Variants in NEDD4L observed in about 807,000 individuals in gnomAD.
The protein encoded by NEDD4L is NEDD4 like E3 ubiquitin protein ligase.
A neutral mutation model predicts 148.9 loss-of-function variants in NEDD4L; 54 were observed. The ratio of observed to expected loss-of-function variants is 0.36; its 90% confidence interval spans 0.29 to 0.45. The LOEUF (loss-of-function observed/expected upper bound fraction) is 0.45. Ranked by LOEUF, NEDD4L falls within the 20% of genes least tolerant of loss-of-function variation. NEDD4L has a pLI of 1.00. For missense variants in NEDD4L, 856 were observed against 1,233.8 expected, an observed-to-expected ratio of 0.69 and a Z score of 4.59; for synonymous variants, 433 against 440.7, an observed-to-expected ratio of 0.98 and a Z score of 0.22.
At chr18:58,162,303 T>C (rs1015911525) in intron 1 of NEDD4L, among the ~76,000 whole-genome samples, 1 of 152,066 alleles carries the variant, frequency 6.6e-6, no homozygotes, top group Non-Finnish European at 1.5e-5. Flanking sequence ...CTTGACCCCA[T>C]CAGGTCCCAC....
rs541399533 is a variant in NEDD4L at position 58,376,771 on chromosome 18, C to T, written c.2352+3502C>T. ...TCTCCCCTGCCCTTGAGATAAAGAC[C>T]CCAACCTTACTTTGTCCCACAAGGT... On this transcript the variant is annotated intron_variant, in intron 24 of 30. Transcript: ENST00000400345. Among the ~76,000 whole-genome samples the T allele has an allele frequency of 1.1e-4, 17 of 152,310 alleles. No homozygotes were observed. The South Asian group carries it at 3.5e-3, about 32-fold the overall frequency.
intron 18 of NEDD4L, among the ~76,000 whole-genome samples, chr18:58,352,760 T>C (rs1568815242): frequency 1.3e-5 from 2 of 152,234 alleles, no homozygotes; most frequent in Admixed American, 6.5e-5. Context: ...AACAGGTCTT[T>C]ACTGGTAACA....
At chr18:58,279,178 A>G (rs2052618178) in intron 5 of NEDD4L, among the ~76,000 whole-genome samples, 1 of 151,980 alleles carries the variant, frequency 6.6e-6, no homozygotes, top group African/African-American at 2.4e-5. Context: ...TGCCTGGCCG[A>G]TTATACTTTT....
intron 5 of NEDD4L, among the ~76,000 whole-genome samples, chr18:58,304,059 C>T (rs1450366919): frequency 6.6e-6 from 1 of 151,948 alleles, no homozygotes; most frequent in African/African-American, 2.4e-5. Context: ...GGACGTTTGA[C>T]AGTTTTGGAT....
chr18:58,140,601 A>G (rs12963630), intron 1 of NEDD4L, among the ~76,000 whole-genome samples: 49,589 of 151,382 alleles, frequency 0.33, 8,305 homozygotes, highest in Non-Finnish European at 0.37. Flanking sequence ...GAAAATGCCA[A>G]TCAGGTTGCT....
intron 1 of NEDD4L, among the ~76,000 whole-genome samples, chr18:58,105,154 G>A (rs1385191701): frequency 4.6e-5 from 7 of 152,180 alleles, no homozygotes; most frequent in Admixed American, 2.6e-4. Flanking sequence ...GCCAGTAGCT[G>A]GAAGAACCAG....
chr18:58,148,261 G>A lies in NEDD4L; in HGVS notation c.49-17527G>A, dbSNP rs375830893. ...GCTCACTGCAACCTCTGTTTCCCAG[G>A]TTTGAGCAGTTCTCCTGCCTCAGCC... On this transcript the variant is annotated intron_variant, in intron 1 of 30. Coordinates refer to ENST00000400345, the MANE Select transcript of NEDD4L (RefSeq NM_001144967.3). Among the ~76,000 whole-genome samples the A allele has an allele frequency of 2.0e-4, 30 of 151,932 alleles. No homozygotes were observed. The East Asian group carries it at 4.6e-3, about 24-fold the overall frequency.
chr18:58,386,779 G>A (rs954094384), intron 26 of NEDD4L, among the ~76,000 whole-genome samples: 3 of 152,138 alleles, frequency 2.0e-5, no homozygotes, highest in East Asian at 1.9e-4. Context: ...GTGAAAGCCC[G>A]GGCAGCACAC....
intron 5 of NEDD4L, among the ~76,000 whole-genome samples, chr18:58,270,408 G>A (rs1311028803): frequency 1.3e-5 from 2 of 152,212 alleles, no homozygotes; most frequent in Non-Finnish European, 2.9e-5. Flanking sequence ...AGTGCAAACT[G>A]TAGCTCAGTC....
chr18:58,149,441 G>A, intron 1 of NEDD4L: 1 of 1,530,752 alleles, frequency 6.5e-7, no homozygotes, highest in South Asian at 1.2e-5. Context: ...CTTGGCTGCA[G>A]CCACGACTTC....
intron 1 of NEDD4L, among the ~76,000 whole-genome samples, chr18:58,080,602 G>A (rs1206314065): frequency 1.3e-5 from 2 of 152,206 alleles, no homozygotes; most frequent in Non-Finnish European, 2.9e-5. Context: ...GAAGGCAAAT[G>A]TACTTCATTC....
At position 58,368,210 on chromosome 18, in the gene NEDD4L, CATCT is replaced by C. The variant is rs1456903093; in HGVS notation, c.2185+349_2185+352del. On this transcript the variant is annotated intron_variant, in intron 22 of 30. Transcript: ENST00000400345. ...ATTGAAAAGTTAATTAAAATGATCT[CATCT>C]ATCTAATATCCTGTGATTATTGCGT... Among the ~76,000 whole-genome samples the C allele has an allele frequency of 2.0e-5, 3 of 152,086 alleles. No homozygotes were observed. In the East Asian group the frequency reaches 5.8e-4, roughly 29 times the overall value.
At chr18:58,119,540 G>A (rs926106414) in intron 1 of NEDD4L, among the ~76,000 whole-genome samples, 2 of 152,300 alleles carry the variant, frequency 1.3e-5, no homozygotes, top group South Asian at 2.1e-4. Context: ...CTGCTGTCCC[G>A]GATGGCCCTG....
At chr18:58,045,144 G>C (rs1333555141) in intron 1 of NEDD4L, 2 of 399,042 alleles carry the variant, frequency 5.0e-6, no homozygotes, top group Non-Finnish European at 8.8e-6. Flanking sequence ...AAGCCGGATC[G>C]TTTCCCCCTG....
chr18:58,077,768 T>C (rs983822782), intron 1 of NEDD4L, among the ~76,000 whole-genome samples: 1 of 152,226 alleles, frequency 6.6e-6, no homozygotes, highest in Non-Finnish European at 1.5e-5. Context: ...ATCTTTAACC[T>C]GACCATAGAG....
chr18:58,168,943 G>A (rs554517834), intron 2 of NEDD4L, among the ~76,000 whole-genome samples: 6 of 152,298 alleles, frequency 3.9e-5, no homozygotes, highest in African/African-American at 1.4e-4. Flanking sequence ...TGATGCTTGG[G>A]GATGCAGGAT....
At chr18:58,049,870 G>C (rs1253330480) in intron 1 of NEDD4L, among the ~76,000 whole-genome samples, 1 of 150,920 alleles carries the variant, frequency 6.6e-6, no homozygotes, top group East Asian at 2.0e-4. Context: ...CCAGCTACTT[G>C]GGAGGCTGAG....
chr18:58,126,232 C>G (rs1381558195), intron 1 of NEDD4L, among the ~76,000 whole-genome samples: 2 of 152,204 alleles, frequency 1.3e-5, no homozygotes, highest in Admixed American at 1.3e-4. Flanking sequence ...TCACCATAGC[C>G]AATTTTAGAA....
rs551161525 is a variant in NEDD4L, at chr18:58,183,566, C to T, written c.122+17705C>T. ...CTCTGAGCCAGCTGCTCACCTGCAG[C>T]ACCCCCCTCCTTGGAGATAGCTTTT... On this transcript the variant is annotated intron_variant, in intron 2 of 30. Coordinates refer to ENST00000400345, the MANE Select transcript of NEDD4L (RefSeq NM_001144967.3). Among the ~76,000 whole-genome samples the T allele has an allele frequency of 6.6e-5, 10 of 152,332 alleles. No homozygotes were observed. The East Asian group carries it at 1.9e-3, about 29-fold the overall frequency.
Sources: allele counts gnomAD v4.1 joint callset (sites outside exome capture counted in the v4.1 genomes callset), GRCh38; gene constraint gnomAD v4.1.1; transcripts MANE v1.5; gene names NCBI Gene and HGNC (gene_info 2026-07-23, HGNC 2026-07-21).